The following NDST1 variants were observed in gnomAD, a reference collection of about 807,000 sequenced individuals.
The protein encoded by NDST1 is bifunctional heparan sulfate N-deacetylase/N-sulfotransferase 1.
NDST1 carries 35 observed loss-of-function variants against 92.8 expected under a neutral mutation model. The observed-to-expected ratio is 0.38, with a 90% CI of 0.29 to 0.50. NDST1 has a LOEUF of 0.50. NDST1 is among the 20% of genes least tolerant of loss of function. The probability of loss-of-function intolerance (pLI) is 0.94; values close to 1 mark genes in which losing one functional copy is unlikely to be tolerated. For synonymous variants in NDST1, 493 were observed against 500.3 expected (o/e 0.99, Z 0.19); for missense variants, 822 against 1,182.7 (o/e 0.69, Z 4.47).
At chr5:150,511,129 A>G (rs530133430) in intron 1 of NDST1, among the ~76,000 whole-genome samples, 1 of 152,316 alleles carries the variant, frequency 6.6e-6, no homozygotes, top group East Asian at 1.9e-4. Flanking sequence ...AATCTAGGTC[A>G]TGGTGCTGTG....
intron 10 of NDST1, among the ~76,000 whole-genome samples, chr5:150,543,468 G>A (rs1755339152): frequency 6.6e-6 from 1 of 152,242 alleles, no homozygotes; most frequent in Admixed American, 6.5e-5. Context: ...TCCCAGCAGA[G>A]GGTCCTAGTA....
intron 6 of NDST1, among the ~76,000 whole-genome samples, 158 bp from the exon 7 acceptor site, chr5:150,539,070 A>G (rs1243200122): frequency 2.0e-5 from 3 of 152,180 alleles, no homozygotes; most frequent in Non-Finnish European, 2.9e-5. Context: ...ACTGGGGGGA[A>G]CGCTGTGCTG....
At chr5:150,548,787 T>G (rs540226812) in intron 12 of NDST1, among the ~76,000 whole-genome samples, 110 of 152,112 alleles carry the variant, frequency 7.2e-4, no homozygotes, top group Non-Finnish European at 1.3e-3. Context: ...TCCCTTGGTC[T>G]TCCAAAGTGC....
chr5:150,552,008 G>T, intron 14 of NDST1, 153 bp downstream of exon 14: 1 of 827,204 alleles, frequency 1.2e-6, no homozygotes, highest in South Asian at 5.5e-5. Context: ...GAAAATGGGG[G>T]CTGGGACATG....
chr5:150,515,963 C>A (rs934775099), intron 1 of NDST1, among the ~76,000 whole-genome samples: 2 of 149,592 alleles, frequency 1.3e-5, no homozygotes, highest in African/African-American at 2.5e-5. Flanking sequence ...GGCTTCCCCC[C>A]ACCCACCCCC....
intron 9 of NDST1, 66 bp from the exon 10 acceptor site, chr5:150,542,782 G>T: frequency 1.2e-6 from 2 of 1,611,598 alleles, no homozygotes; most frequent in Non-Finnish European, 1.7e-6. Flanking sequence ...GCTAGGCCCA[G>T]AACCCAGACT....
chr5:150,512,615 CCT>C (rs1753778941), intron 1 of NDST1, among the ~76,000 whole-genome samples: 1 of 152,264 alleles, frequency 6.6e-6, no homozygotes. Context: ...GGCCTCCCTT[CCT>C]CTCTCTTTCT....
rs74553909 is a variant in NDST1 at position 150,529,117 on chromosome 5, T to A, written c.1008+819T>A. On this transcript the variant is annotated intron_variant, in intron 3 of 14. Coordinates refer to ENST00000261797, the MANE Select transcript of NDST1 (RefSeq NM_001543.5). Reference sequence around the variant, plus strand: ...ATTCAAAAAAGGTTTGCTGGCCGGGTGTGGTGGCTTGTGCTTGTAATCCCA... The same window carrying A: ...ATTCAAAAAAGGTTTGCTGGCCGGGAGTGGTGGCTTGTGCTTGTAATCCCA... Among the ~76,000 whole-genome samples the A allele has an allele frequency of 0.011, 1,653 of 151,986 alleles. 97 individuals are homozygous for A. The East Asian group carries it at 0.15, about 14-fold the overall frequency.
Position 150,501,930 on chromosome 5 carries a change from T to A in NDST1, c.-388+3691T>A, listed in dbSNP as rs555717011. On this transcript the variant is annotated intron_variant, in intron 1 of 1. Coordinates refer to the NDST1 transcript ENST00000518299. ...CTCCGGGAGGGTGGCCCACGGGAAA[T>A]TGAGGGAAGAATTTTCCAGGCAGAG... Among the ~76,000 whole-genome samples the A allele has an allele frequency of 1.6e-4, 25 of 151,608 alleles. 1 individual carries two copies. Among genetic ancestry groups the A allele is most frequent in the South Asian group, 1.5e-3 (7 of 4,776 alleles).
chr5:150,556,277 T>TC lies in NDST1; in HGVS notation c.*2946dup, dbSNP rs1377326312. The TC allele has an allele frequency of 6.6e-6, 1 of 152,176 alleles. No homozygotes were observed. Among genetic ancestry groups the TC allele is most frequent in the Non-Finnish European group, 1.5e-5 (1 of 68,040 alleles). The allele number at this position is 152,176 out of a possible 1,614,324, so 9.4% of individuals were successfully genotyped here. ...TGTCACCTGCAGCTGCCTCAGTCAT[T>TC]CAGAGTTCCAGAGCCTTCTGTGGTG... On this transcript the variant is annotated 3_prime_UTR_variant, in exon 15 of 15. Coordinates refer to ENST00000261797, the MANE Select transcript of NDST1 (RefSeq NM_001543.5).
intron 6 of NDST1, among the ~76,000 whole-genome samples, chr5:150,538,063 T>C (rs1219607553): frequency 6.6e-6 from 1 of 152,268 alleles, no homozygotes; most frequent in South Asian, 2.1e-4. Context: ...ATAAGGTGGC[T>C]AGGTGGGCCT....
In NDST1 at chr5:150,519,565, G is replaced by A. The variant is rs140736386; in HGVS notation, c.-387-1303G>A. Among the ~76,000 whole-genome samples, 126 of 152,288 alleles carry A rather than the reference G, an allele frequency of 8.3e-4. 1 individual carries two copies. The highest frequency in any genetic ancestry group is 2.7e-3 in the African/African-American group (113 of 41,556). ...TCTACTGGCATGGTGGCTCATGCCT[G>A]TAATCCCAGCTACCCAGGAGGCTGA... On this transcript the variant is annotated intron_variant, in intron 1 of 14. Transcript: ENST00000261797.
upstream of NDST1, among the ~76,000 whole-genome samples, chr5:150,506,398 G>A (rs905367442): frequency 1.3e-5 from 2 of 152,118 alleles, no homozygotes; most frequent in Non-Finnish European, 2.9e-5. Flanking sequence ...GATGACAGGC[G>A]TGAGCCACTG....
Position 150,558,006 on chromosome 5 carries a change from T to G in NDST1, c.*4674T>G, listed in dbSNP as rs924048154. 2.5e-5 allele frequency: 3 copies of G among 122,392 alleles called. No individual in the cohort carries two copies. Among genetic ancestry groups the G allele is most frequent in the Non-Finnish European group, 5.0e-5 (3 of 60,552 alleles). 7.6% of individuals were successfully genotyped at this position (122,392 alleles called of 1,614,324 possible). Reference sequence around the variant, plus strand: ...TTTCCTGGGAGAGGAGAGGGCCGACTGGAGAGGGTGGGGGGCACACTGGGG... The same window carrying G: ...TTTCCTGGGAGAGGAGAGGGCCGACGGGAGAGGGTGGGGGGCACACTGGGG... On this transcript the variant is annotated 3_prime_UTR_variant, in exon 15 of 15. Coordinates refer to ENST00000261797, the MANE Select transcript of NDST1 (RefSeq NM_001543.5).
rs773934403 is a variant in NDST1, at chr5:150,553,255, G to A, written c.2572G>A (p.Glu858Lys). ...LKDYYRDHNI[E>K]LSKLLYKMGQ... ...GGACTATTACCGGGACCACAACATC[G>A]AGCTCTCCAAGCTGCTGTATAAGAT... Residue 858 changes from glutamate (E) to lysine (K), a missense_variant, in exon 15 of 15, where the codon GAG becomes AAG. Coordinates refer to ENST00000261797, the MANE Select transcript of NDST1 (RefSeq NM_001543.5). The surrounding 1 kb of genome is among the most constrained non-coding windows in gnomAD (Gnocchi z 4.2). The A allele has an allele frequency of 5.6e-6, 9 of 1,613,734 alleles. No homozygotes were observed. The highest frequency in any genetic ancestry group is 3.3e-5 in the South Asian group (3 of 91,060).
chr5:150,528,506 A>G (rs1178920596), intron 3 of NDST1, among the ~76,000 whole-genome samples: 1 of 152,148 alleles, frequency 6.6e-6, no homozygotes, highest in African/African-American at 2.4e-5. Flanking sequence ...TGATTGAAGC[A>G]TTGGCCAGGT....
Position 150,528,363 on chromosome 5 carries a change from C to G in NDST1, c.1008+65C>G, listed in dbSNP as rs187973087. 1.3e-4 allele frequency: 195 copies of G among 1,527,318 alleles called. 2 individuals carry two copies. The African/African-American group carries it at 2.3e-3, about 18-fold the overall frequency. 94.6% of individuals were successfully genotyped at this position (1,527,318 alleles called of 1,614,324 possible). ...CCTGGCAAGCTTCAGCCTTCAGGTG[C>G]CCCATCGTGGGTGTGCCCTGTCTGC... On this transcript the variant is annotated intron_variant, in intron 3 of 14. Coordinates refer to ENST00000261797, the MANE Select transcript of NDST1 (RefSeq NM_001543.5).
Position 150,555,892 on chromosome 5 carries a change from C to T in NDST1, c.*2560C>T, listed in dbSNP as rs1324296886. The T allele has an allele frequency of 1.3e-5, 2 of 152,322 alleles. No homozygotes were observed. Among genetic ancestry groups the T allele is most frequent in the Non-Finnish European group, 2.9e-5 (2 of 68,142 alleles). 9.4% of individuals were successfully genotyped at this position (152,322 alleles called of 1,614,324 possible). A position where few individuals can be genotyped will look rare whatever the true frequency, so the allele number is the denominator to read the frequency against. Reference sequence around the variant, plus strand: ...TCTGCAAGCCTGGAGACTGGACCTGCCACATGTTCCAAGTCTGTCTGCCTA... The same window carrying T: ...TCTGCAAGCCTGGAGACTGGACCTGTCACATGTTCCAAGTCTGTCTGCCTA... On this transcript the variant is annotated 3_prime_UTR_variant, in exon 15 of 15. Coordinates refer to ENST00000261797, the MANE Select transcript of NDST1 (RefSeq NM_001543.5).
Position 150,540,090 on chromosome 5 carries a change from C to G in NDST1, c.1575C>G (p.Ile525Met). The G allele has an allele frequency of 6.2e-7, 1 of 1,614,232 alleles. No homozygotes were observed. The highest frequency in any genetic ancestry group is 8.5e-7 in the Non-Finnish European group (1 of 1,180,038). Reference sequence around the variant, plus strand: ...CCCCTCCCCTGGAGCAGATCAGCATCTTCATGACGCACCTGTCCAACTATG... The same window carrying G: ...CCCCTCCCCTGGAGCAGATCAGCATGTTCATGACGCACCTGTCCAACTATG... Reference protein sequence around the residue: ...FLTVLLNPISIFMTHLSNYGN... With the variant: ...FLTVLLNPISMFMTHLSNYGN... Residue 525 changes from isoleucine to methionine, a missense_variant, in exon 8 of 15, where the codon ATC becomes ATG. Transcript: ENST00000261797.
Sources: gnomAD v4.1 joint callset for allele counts (sites outside exome capture counted in the v4.1 genomes callset) on GRCh38, gnomAD v4.1.1 for gene constraint, Gnocchi (gnomAD v3.1) non-coding constraint, MANE v1.5 for transcripts, NCBI Gene and HGNC (gene_info 2026-07-23, HGNC 2026-07-21) for gene names.